Variants in LIN7A observed in about 807,000 individuals in gnomAD.
LIN7A encodes the protein protein lin-7 homolog A.
LIN7A carries 25 observed loss-of-function variants against 29.8 expected under a neutral mutation model. The observed-to-expected ratio is 0.84, with a 90% CI of 0.61 to 1.17. The LOEUF is 1.17. Among genes scored for constraint, LIN7A ranks in the 50% most tolerant of loss-of-function variants. The pLI is 0.00. For synonymous variants in LIN7A, 118 were observed against 107.5 expected (o/e 1.10, Z -0.60); for missense variants, 239 against 287.0 (o/e 0.83, Z 1.21).
At chr12:80,927,095 G>A (rs1260026164) in intron 1 of LIN7A, among the ~76,000 whole-genome samples, 1 of 148,230 alleles carries the variant, frequency 6.7e-6, no homozygotes, top group Admixed American at 6.7e-5. Context: ...AAATGATATG[G>A]TTTTTCTCCT....
At chr12:80,920,855 T>G (rs1211006847) in intron 1 of LIN7A, among the ~76,000 whole-genome samples, 7 of 152,192 alleles carry the variant, frequency 4.6e-5, no homozygotes, top group Non-Finnish European at 7.3e-5. Flanking sequence ...TACCTTAATA[T>G]GTACCATATT....
intron 4 of LIN7A, among the ~76,000 whole-genome samples, chr12:80,830,561 G>T (rs747634995): frequency 6.6e-6 from 1 of 152,004 alleles, no homozygotes; most frequent in African/African-American, 2.4e-5. Context: ...CTTAATGTCT[G>T]GGGATTTAAA....
chr12:80,799,634 T>C (rs539573096), intron 5 of LIN7A, among the ~76,000 whole-genome samples: 1 of 152,308 alleles, frequency 6.6e-6, no homozygotes, highest in Admixed American at 6.5e-5. Context: ...AAAAATGTTT[T>C]GATAAGTTGT....
chr12:80,822,634 C>G (rs1337881002), intron 4 of LIN7A, among the ~76,000 whole-genome samples: 1 of 152,276 alleles, frequency 6.6e-6, no homozygotes, highest in South Asian at 2.1e-4. Context: ...TGGGACCCTT[C>G]CACAACACAT....
At chr12:80,808,469 A>G (rs1315874662) in intron 5 of LIN7A, among the ~76,000 whole-genome samples, 2 of 152,098 alleles carry the variant, frequency 1.3e-5, no homozygotes, top group Non-Finnish European at 2.9e-5. Flanking sequence ...AGTGTCAAAT[A>G]AATAATGTGC....
chr12:80,810,796 G>A (rs1370069503), intron 5 of LIN7A, among the ~76,000 whole-genome samples: 1 of 152,126 alleles, frequency 6.6e-6, no homozygotes, highest in East Asian at 1.9e-4. Flanking sequence ...AAAGGTATGA[G>A]GTGATATCTC....
intron 1 of LIN7A, among the ~76,000 whole-genome samples, chr12:80,933,957 T>C (rs1027282550): frequency 1.4e-4 from 21 of 152,148 alleles, no homozygotes; most frequent in African/African-American, 4.3e-4. Context: ...ATTTTGTCCA[T>C]TAGCACTGGC....
At chr12:80,856,835 AAAAAC>A (rs148640451) in intron 2 of LIN7A, among the ~76,000 whole-genome samples, 6,784 of 151,686 alleles carry the variant, frequency 0.045, 515 homozygotes, top group African/African-American at 0.16. Flanking sequence ...ACTTATAACT[AAAAAC>A]AAAACAAAAC....
intron 2 of LIN7A, among the ~76,000 whole-genome samples, chr12:80,869,161 T>C (rs1874298952): frequency 6.7e-6 from 1 of 148,908 alleles, no homozygotes; most frequent in South Asian, 2.1e-4. Context: ...TATATATATA[T>C]ATATATTTAT....
intron 5 of LIN7A, among the ~76,000 whole-genome samples, chr12:80,808,298 T>G (rs1226030615): frequency 6.6e-6 from 1 of 152,176 alleles, no homozygotes; most frequent in East Asian, 1.9e-4. Context: ...TTAAACCCCC[T>G]ATTTTTACTC....
chr12:80,895,498 A>G (rs1875838512), intron 1 of LIN7A, among the ~76,000 whole-genome samples: 1 of 152,238 alleles, frequency 6.6e-6, no homozygotes, highest in Non-Finnish European at 1.5e-5. Flanking sequence ...CACTAATTCC[A>G]CAAAATGTGT....
chr12:80,900,906 A>AAT (rs1267616933), intron 1 of LIN7A, among the ~76,000 whole-genome samples: 2 of 152,162 alleles, frequency 1.3e-5, no homozygotes, highest in African/African-American at 4.8e-5. Flanking sequence ...ATAATGATTA[A>AAT]ATATAATTGT....
intron 1 of LIN7A, among the ~76,000 whole-genome samples, chr12:80,931,687 T>C (rs896963331): frequency 6.6e-6 from 1 of 151,036 alleles, no homozygotes; most frequent in Admixed American, 6.6e-5. Context: ...TTTGTAACTA[T>C]ATAGTGTGAA....
intron 1 of LIN7A, among the ~76,000 whole-genome samples, chr12:80,904,353 A>G (rs1189030961): frequency 6.6e-6 from 1 of 152,156 alleles, no homozygotes; most frequent in African/African-American, 2.4e-5. Context: ...CAAGAACACT[A>G]TACAATGTTA....
At chr12:80,878,977 C>T (rs576369990) in intron 2 of LIN7A, among the ~76,000 whole-genome samples, 10 of 152,324 alleles carry the variant, frequency 6.6e-5, no homozygotes, top group East Asian at 1.9e-4. Context: ...CTGGCTTCAC[C>T]TCTCACAAGT....
chr12:80,922,135 T>C lies in LIN7A; in HGVS notation c.82+15506A>G, dbSNP rs372479342. On this transcript the variant is annotated intron_variant, in intron 1 of 5. Coordinates refer to ENST00000552864, the MANE Select transcript of LIN7A (RefSeq NM_004664.4). Reference sequence around the variant, plus strand: ...AAAATAAAATTTTGGCCTACAGGAGTAAACATCTGTTATCTGTAAGTTTAC... The same window carrying C: ...AAAATAAAATTTTGGCCTACAGGAGCAAACATCTGTTATCTGTAAGTTTAC... Among the ~76,000 whole-genome samples, 141 of 152,286 alleles carry C rather than the reference T, an allele frequency of 9.3e-4. 1 individual carries two copies. In the Middle Eastern group the frequency reaches 0.017, roughly 18 times the overall value.
intron 4 of LIN7A, among the ~76,000 whole-genome samples, chr12:80,836,299 T>A (rs759601715): frequency 3.3e-5 from 5 of 152,194 alleles, no homozygotes; most frequent in Admixed American, 6.5e-5. Flanking sequence ...TTTCTTATGA[T>A]AACAGACTCT....
chr12:80,835,351 G>C (rs1872553963), intron 4 of LIN7A, among the ~76,000 whole-genome samples: 1 of 152,088 alleles, frequency 6.6e-6, no homozygotes, highest in African/African-American at 2.4e-5. Flanking sequence ...TATTAGGAAA[G>C]GTAGACAGGA....
At chr12:80,865,693 T>C (rs1874101494) in intron 2 of LIN7A, among the ~76,000 whole-genome samples, 1 of 152,198 alleles carries the variant, frequency 6.6e-6, no homozygotes, top group South Asian at 2.1e-4. Flanking sequence ...GACAGGCAGC[T>C]TCCCTCTGTA....
Sources: gnomAD v4.1 joint callset for allele counts (sites outside exome capture counted in the v4.1 genomes callset) on GRCh38, gnomAD v4.1.1 for gene constraint, MANE v1.5 for transcripts, NCBI Gene and HGNC (gene_info 2026-07-23, HGNC 2026-07-21) for gene names.